The following KHDRBS2 variants were observed in gnomAD, a reference collection of about 807,000 sequenced individuals.
KHDRBS2 encodes KH RNA binding domain containing, signal transduction associated 2, also known as KH domain-containing, RNA-binding, signal transduction-associated protein 2.
A neutral mutation model predicts 44.3 loss-of-function variants in KHDRBS2; 26 were observed. The ratio of observed to expected loss-of-function variants is 0.59; its 90% CI spans 0.43 to 0.81. The LOEUF is 0.81. Ranked by LOEUF, KHDRBS2 falls within the 40% of genes least tolerant of loss-of-function variation. The pLI is 0.00. For synonymous variants in KHDRBS2, 194 were observed against 151.1 expected, an observed-to-expected ratio of 1.28 and a Z score of -2.08; for missense variants, 476 against 433.1, an observed-to-expected ratio of 1.10 and a Z score of -0.88.
chr6:61,967,204 C>CAAAAAAAAA (rs57036975), intron 4 of KHDRBS2, among the ~76,000 whole-genome samples: 1 of 123,662 alleles, frequency 8.1e-6, no homozygotes, highest in Non-Finnish European at 1.7e-5. Flanking sequence ...ACTATGTTTA[C>CAAAAAAAAA]AAAAAAAAAA....
chr6:62,072,314 T>C (rs150701142), intron 2 of KHDRBS2, among the ~76,000 whole-genome samples: 11,068 of 152,038 alleles, frequency 0.073, 438 homozygotes, highest in African/African-American at 0.078. Context: ...TCCTCTTTTC[T>C]TAATTGAATA....
chr6:62,168,134 T>C (rs1384317416), intron 2 of KHDRBS2, among the ~76,000 whole-genome samples: 1 of 152,114 alleles, frequency 6.6e-6, no homozygotes, highest in Non-Finnish European at 1.5e-5. Context: ...GGAACTTCAG[T>C]TTTCTGCATT....
At chr6:61,960,346 C>A (rs573116783) in intron 4 of KHDRBS2, among the ~76,000 whole-genome samples, 1 of 151,984 alleles carries the variant, frequency 6.6e-6, no homozygotes, top group Non-Finnish European at 1.5e-5. Context: ...GAGCCCTGAA[C>A]CTTTTGGAGC....
At chr6:62,055,993 A>G (rs548767754) in intron 2 of KHDRBS2, among the ~76,000 whole-genome samples, 1 of 152,122 alleles carries the variant, frequency 6.6e-6, no homozygotes, top group African/African-American at 2.4e-5. Flanking sequence ...GACAGGCTTC[A>G]TAGAATATCC....
chr6:62,094,507 T>C (rs1271364672), intron 2 of KHDRBS2, among the ~76,000 whole-genome samples: 1 of 151,932 alleles, frequency 6.6e-6, no homozygotes, highest in Non-Finnish European at 1.5e-5. Context: ...CTGTTGATTA[T>C]TTCCTTTTCT....
intron 7 of KHDRBS2, among the ~76,000 whole-genome samples, chr6:61,723,579 A>G (rs1226329101): frequency 6.6e-6 from 1 of 152,120 alleles, no homozygotes; most frequent in Non-Finnish European, 1.5e-5. Flanking sequence ...ACAAACAAAA[A>G]AACAACAATA....
chr6:62,207,896 TA>T (rs577103551), intron 1 of KHDRBS2, among the ~76,000 whole-genome samples: 44 of 152,280 alleles, frequency 2.9e-4, no homozygotes, highest in African/African-American at 9.9e-4. Context: ...CATAGTTACT[TA>T]TTTTTTTGAC....
chr6:62,261,720 AT>A (rs1258747519), intron 1 of KHDRBS2, among the ~76,000 whole-genome samples: 1 of 151,818 alleles, frequency 6.6e-6, no homozygotes, highest in Non-Finnish European at 1.5e-5. Context: ...CTTCAGAGGC[AT>A]TTGGCTGATC....
chr6:62,098,454 T>C lies in KHDRBS2; in HGVS notation c.220-50460A>G, dbSNP rs1801142486. Among the ~76,000 whole-genome samples the C allele has an allele frequency of 2.6e-5, 4 of 152,146 alleles. No individual in the cohort carries two copies. In the South Asian group the frequency reaches 8.3e-4, roughly 31 times the overall value. On this transcript the variant is annotated intron_variant, in intron 2 of 8. Coordinates refer to ENST00000281156, the MANE Select transcript of KHDRBS2 (RefSeq NM_152688.4). Reference sequence around the variant, plus strand: ...TTGTTTTGTTTTTCCTTGAGCACTTTGACTATATCATCACACTCCCTCCTG... The same window carrying C: ...TTGTTTTGTTTTTCCTTGAGCACTTCGACTATATCATCACACTCCCTCCTG...
intron 2 of KHDRBS2, among the ~76,000 whole-genome samples, chr6:62,175,604 C>A (rs1459088144): frequency 6.6e-6 from 1 of 151,522 alleles, no homozygotes; most frequent in Non-Finnish European, 1.5e-5. Flanking sequence ...TAGTTCCAGC[C>A]TAAGCATTCC....
intron 4 of KHDRBS2, among the ~76,000 whole-genome samples, chr6:61,912,025 A>G (rs1202519113): frequency 6.6e-6 from 1 of 152,184 alleles, no homozygotes; most frequent in Non-Finnish European, 1.5e-5. Flanking sequence ...TCAGATGGGG[A>G]AAGTGAATCT....
At chr6:61,783,383 A>G (rs1783312523) in intron 6 of KHDRBS2, among the ~76,000 whole-genome samples, 1 of 151,992 alleles carries the variant, frequency 6.6e-6, no homozygotes, top group Admixed American at 6.6e-5. Flanking sequence ...TCCATGTTGC[A>G]TTGTCATGAT....
rs59117711 is a variant in KHDRBS2 at position 61,853,280 on chromosome 6, A to T, written c.810+41355T>A. Among the ~76,000 whole-genome samples the T allele has an allele frequency of 2.6e-5, 4 of 152,232 alleles. No homozygotes were observed. The South Asian group carries it at 6.2e-4, about 24-fold the overall frequency. On this transcript the variant is annotated intron_variant, in intron 6 of 8. Transcript: ENST00000281156. Reference sequence around the variant, plus strand: ...AATCTACTCACTGAGCTGGTTATTAAGGCTATTTTTATTTCCCTATCACAT... The same window carrying T: ...AATCTACTCACTGAGCTGGTTATTATGGCTATTTTTATTTCCCTATCACAT...
chr6:62,125,640 G>C (rs1808786157), intron 2 of KHDRBS2, among the ~76,000 whole-genome samples: 1 of 152,002 alleles, frequency 6.6e-6, no homozygotes, highest in Non-Finnish European at 1.5e-5. Flanking sequence ...CTTATGACTT[G>C]GTTGCCAGCT....
intron 1 of KHDRBS2, among the ~76,000 whole-genome samples, chr6:62,260,589 G>T (rs906550277): frequency 1.3e-5 from 2 of 151,828 alleles, no homozygotes; most frequent in African/African-American, 4.8e-5. Context: ...CTGGTATTCA[G>T]AATTTTTTTT....
chr6:62,200,173 G>A (rs1412570274), intron 1 of KHDRBS2, among the ~76,000 whole-genome samples: 1 of 152,116 alleles, frequency 6.6e-6, no homozygotes, highest in Non-Finnish European at 1.5e-5. Flanking sequence ...ACATAGGCAT[G>A]GGCAAGGACT....
At chr6:61,886,903 T>G (rs975096821) in intron 6 of KHDRBS2, among the ~76,000 whole-genome samples, 14 of 152,174 alleles carry the variant, frequency 9.2e-5, no homozygotes, top group Non-Finnish European at 1.9e-4. Flanking sequence ...TATTGAGTTC[T>G]CTGTAGTTGG....
At chr6:61,693,984 C>A (rs1219106418) in intron 8 of KHDRBS2, among the ~76,000 whole-genome samples, 1 of 152,144 alleles carries the variant, frequency 6.6e-6, no homozygotes, top group Non-Finnish European at 1.5e-5. Context: ...AAATAGAAAT[C>A]TCATCTCTTA....
At chr6:61,993,305 A>T (rs1183831638) in intron 3 of KHDRBS2, among the ~76,000 whole-genome samples, 1 of 152,076 alleles carries the variant, frequency 6.6e-6, no homozygotes, top group African/African-American at 2.4e-5. Context: ...AAAACCTTTC[A>T]TCACCACCTA....
Sources: allele counts gnomAD v4.1 joint callset (sites outside exome capture counted in the v4.1 genomes callset), GRCh38; gene constraint gnomAD v4.1.1; transcripts MANE v1.5; gene names NCBI Gene and HGNC (gene_info 2026-07-23, HGNC 2026-07-21).